AKAP19: variants seen among roughly 807,000 people sequenced by gnomAD.
The protein encoded by AKAP19 is small A-kinase anchoring protein.
chr2:189,905,051 A>G, the AKAP19 span, among the ~76,000 whole-genome samples: 6 of 152,016 alleles, frequency 3.9e-5, no homozygotes, highest in African/African-American at 1.4e-4. Flanking sequence ...CTAAAATTCT[A>G]TATTCAATAA....
the AKAP19 span, among the ~76,000 whole-genome samples, chr2:190,124,653 T>A: frequency 6.6e-6 from 1 of 152,152 alleles, no homozygotes; most frequent in African/African-American, 2.4e-5. Flanking sequence ...GAGGCTGCAG[T>A]AAGCTATGAT....
the AKAP19 span, among the ~76,000 whole-genome samples, chr2:189,950,145 A>G: frequency 6.9e-6 from 1 of 144,654 alleles, no homozygotes; most frequent in African/African-American, 2.6e-5. Flanking sequence ...CTCCTGCCTC[A>G]GCATCCCAAG....
chr2:190,047,437 G>A, the AKAP19 span, among the ~76,000 whole-genome samples: 3 of 152,338 alleles, frequency 2.0e-5, no homozygotes, highest in Admixed American at 1.3e-4. Context: ...TTCTCCCGCA[G>A]CACCTTGTGT....
the AKAP19 span, among the ~76,000 whole-genome samples, chr2:189,944,940 A>G: frequency 6.6e-6 from 1 of 152,306 alleles, no homozygotes; most frequent in East Asian, 1.9e-4. Context: ...TAAAAAAATG[A>G]ATGTTAGAAA....
chr2:190,018,832 G>C, the AKAP19 span, among the ~76,000 whole-genome samples: 8 of 152,140 alleles, frequency 5.3e-5, no homozygotes, highest in Non-Finnish European at 2.9e-5. Flanking sequence ...TTCTGGATGG[G>C]CCAGCTGATA....
the AKAP19 span, among the ~76,000 whole-genome samples, chr2:190,177,233 G>A: frequency 6.6e-6 from 1 of 152,186 alleles, no homozygotes; most frequent in Non-Finnish European, 1.5e-5. The surrounding 1 kb of genome is among the most constrained non-coding windows in gnomAD (Gnocchi z 4.6). Context: ...AGTTCTAGGG[G>A]TAGGGGTGGA....
the AKAP19 span, among the ~76,000 whole-genome samples, chr2:189,956,492 T>A: frequency 1.3e-5 from 2 of 152,132 alleles, no homozygotes; most frequent in African/African-American, 4.8e-5. Context: ...TCAAGAGCAC[T>A]TAGACTCCCA....
At chr2:189,918,033 G>C in the AKAP19 span, among the ~76,000 whole-genome samples, 1 of 151,718 alleles carries the variant, frequency 6.6e-6, no homozygotes, top group African/African-American at 2.4e-5. Flanking sequence ...TTGTCCACTA[G>C]TGTTGTCATT....
At chr2:190,203,118 C>G in the AKAP19 span, 1 of 167,034 alleles carries the variant, frequency 6.0e-6, no homozygotes, top group African/African-American at 2.4e-5. Flanking sequence ...TACTCAGTAT[C>G]ATTGGCCTTT....
chr2:190,143,355 G>A, the AKAP19 span, among the ~76,000 whole-genome samples: 137,709 of 151,024 alleles, frequency 0.91, 63,667 homozygotes, highest in East Asian at 1. Flanking sequence ...CGTTCCCTGT[G>A]CTTGAAATGT....
At chr2:190,157,396 A>ACACACAC in the AKAP19 span, among the ~76,000 whole-genome samples, 1 of 151,766 alleles carries the variant, frequency 6.6e-6, no homozygotes, top group African/African-American at 2.4e-5. Context: ...ACACACACAT[A>ACACACAC]TCACAGGATG....
chr2:190,033,725 C>G, the AKAP19 span, among the ~76,000 whole-genome samples: 312 of 152,286 alleles, frequency 2.0e-3, 1 homozygote, highest in Non-Finnish European at 3.2e-3. Flanking sequence ...TGTACTCTAC[C>G]TTAATAGCTT....
chr2:189,882,943 T>C, the AKAP19 span, among the ~76,000 whole-genome samples: 1 of 152,048 alleles, frequency 6.6e-6, no homozygotes, highest in Non-Finnish European at 1.5e-5. Context: ...TTTTTCAGAC[T>C]AGCAACACAC....
the AKAP19 span, among the ~76,000 whole-genome samples, chr2:189,931,451 T>A: frequency 6.6e-6 from 1 of 152,096 alleles, no homozygotes; most frequent in Non-Finnish European, 1.5e-5. Flanking sequence ...AACCTCAAAC[T>A]CCCAGGCTCA....
chr2:190,199,826 T>C, the AKAP19 span: 1 of 1,602,180 alleles, frequency 6.2e-7, no homozygotes, highest in Non-Finnish European at 8.5e-7. Context: ...AAGTAGTCTT[T>C]GCCACTGCTT....
At chr2:190,196,921 T>TATCA in the AKAP19 span, among the ~76,000 whole-genome samples, 3 of 152,162 alleles carry the variant, frequency 2.0e-5, no homozygotes, top group East Asian at 1.9e-4. Context: ...ACTGGGTGTT[T>TATCA]ATCAATCAGT....
At chr2:190,171,389 G>A in the AKAP19 span, among the ~76,000 whole-genome samples, 2 of 152,230 alleles carry the variant, frequency 1.3e-5, no homozygotes, top group South Asian at 2.1e-4. Context: ...TTTTCTTAGA[G>A]GTCCTCCAAA....
the AKAP19 span, among the ~76,000 whole-genome samples, chr2:190,181,958 A>G: frequency 6.6e-6 from 1 of 152,250 alleles, no homozygotes; most frequent in Non-Finnish European, 1.5e-5. Flanking sequence ...TTTCAAGCAG[A>G]ATGGTCTGGA....
the AKAP19 span, among the ~76,000 whole-genome samples, chr2:190,049,951 G>C: frequency 1.3e-5 from 2 of 152,118 alleles, no homozygotes; most frequent in African/African-American, 2.4e-5. Context: ...AATAACTCTA[G>C]TTTTACATAA....
Sources: gnomAD v4.1 joint callset for allele counts (sites outside exome capture counted in the v4.1 genomes callset) on GRCh38, gnomAD v4.1.1 for gene constraint, Gnocchi (gnomAD v3.1) non-coding constraint, MANE v1.5 for transcripts, NCBI Gene and HGNC (gene_info 2026-07-23, HGNC 2026-07-21) for gene names.